The following PRKG1 variants were observed in gnomAD, a reference collection of about 807,000 sequenced individuals.
PRKG1 encodes cGMP-dependent protein kinase 1.
A neutral mutation model predicts 88.1 loss-of-function variants in PRKG1; 35 were observed. The observed-to-expected ratio is 0.40, with a 90% confidence interval of 0.30 to 0.53. PRKG1 has a LOEUF of 0.53. Ranked by LOEUF, PRKG1 falls within the 20% of genes least tolerant of loss-of-function variation. The pLI, the probability that PRKG1 is intolerant of heterozygous loss-of-function variation, is 0.59. For synonymous variants in PRKG1, 303 were observed against 292.5 expected (o/e 1.04, Z -0.37); for missense variants, 540 against 839.8 (o/e 0.64, Z 4.41).
chr10:51,694,842 C>T (rs1307069539), intron 3 of PRKG1, among the ~76,000 whole-genome samples: 1 of 152,100 alleles, frequency 6.6e-6, no homozygotes, highest in Admixed American at 6.6e-5. Context: ...TGAAATAAGG[C>T]TCTATGCTTT....
At position 51,489,237 on chromosome 10, in the gene PRKG1, A is replaced by G. The variant is rs1399624519; in HGVS notation, c.592+21401A>G. ...AGAAAAGAAGAAAATATATGCTATC[A>G]CAGGAACACAGAAGGTGGGAAATGA... On this transcript the variant is annotated intron_variant, in intron 3 of 17. Coordinates refer to ENST00000373980, the MANE Select transcript of PRKG1 (RefSeq NM_006258.4). Among the ~76,000 whole-genome samples the G allele has an allele frequency of 2.6e-5, 4 of 152,294 alleles. No individual in the cohort carries two copies. In the East Asian group the frequency reaches 7.7e-4, roughly 29 times the overall value.
chr10:52,191,732 A>G (rs1839368726), intron 9 of PRKG1, among the ~76,000 whole-genome samples: 1 of 152,222 alleles, frequency 6.6e-6, no homozygotes, highest in South Asian at 2.1e-4. Flanking sequence ...CAGTGAATTA[A>G]GAGATAACAA....
At chr10:51,121,406 G>A (rs1292438485) in intron 1 of PRKG1, among the ~76,000 whole-genome samples, 3 of 152,082 alleles carry the variant, frequency 2.0e-5, no homozygotes, top group Non-Finnish European at 4.4e-5. Context: ...TTTGGCTCAT[G>A]AGTTTTTCTC....
intron 4 of PRKG1, among the ~76,000 whole-genome samples, chr10:51,837,308 T>C (rs1840156748): frequency 6.6e-6 from 1 of 152,176 alleles, no homozygotes; most frequent in Non-Finnish European, 1.5e-5. Context: ...TCAAGTCTTT[T>C]GAATATGGCA....
At chr10:51,211,390 G>C (rs887569114) in intron 2 of PRKG1, among the ~76,000 whole-genome samples, 127 of 152,130 alleles carry the variant, frequency 8.3e-4, no homozygotes, top group Non-Finnish European at 1.5e-3. Context: ...GAAGCATTCC[G>C]TTTGAAAACT....
chr10:51,569,330 G>A (rs1201589428), intron 3 of PRKG1, among the ~76,000 whole-genome samples: 1 of 151,950 alleles, frequency 6.6e-6, no homozygotes. Flanking sequence ...ATATTGATGG[G>A]TTTGATACGG....
chr10:52,157,306 GATATAT>G (rs142784154), intron 8 of PRKG1, among the ~76,000 whole-genome samples: 172 of 125,916 alleles, frequency 1.4e-3, no homozygotes, highest in African/African-American at 3.9e-3. Flanking sequence ...TGAGTTAGTT[GATATAT>G]ATATATATAT....
At chr10:51,221,395 T>C (rs1838525328) in intron 2 of PRKG1, among the ~76,000 whole-genome samples, 1 of 152,084 alleles carries the variant, frequency 6.6e-6, no homozygotes, top group Non-Finnish European at 1.5e-5. Context: ...AATATATATA[T>C]TTAAGATGTG....
At chr10:52,121,235 C>G (rs1046660502) in intron 7 of PRKG1, among the ~76,000 whole-genome samples, 7 of 152,150 alleles carry the variant, frequency 4.6e-5, no homozygotes, top group Admixed American at 2.0e-4. Context: ...AGGTCCTGCT[C>G]TGGGCCTGTG....
At chr10:51,454,968 A>C (rs1839543266) in intron 2 of PRKG1, among the ~76,000 whole-genome samples, 1 of 152,236 alleles carries the variant, frequency 6.6e-6, no homozygotes, top group African/African-American at 2.4e-5. Flanking sequence ...TCATTTCAGC[A>C]TTAACTCAAA....
chr10:51,695,583 A>G (rs1841267793), intron 3 of PRKG1: 1 of 152,202 alleles, frequency 6.6e-6, no homozygotes, highest in Admixed American at 6.5e-5. Context: ...CTTCAGTGAA[A>G]GCTTTGAGAT....
chr10:51,092,222 C>T (rs1844415916), intron 1 of PRKG1, among the ~76,000 whole-genome samples: 2 of 152,084 alleles, frequency 1.3e-5, no homozygotes, highest in South Asian at 4.2e-4. Flanking sequence ...AATGGACAAG[C>T]ATACATGAGA....
chr10:51,077,708 G>A (rs141409189), intron 1 of PRKG1, among the ~76,000 whole-genome samples: 85 of 152,246 alleles, frequency 5.6e-4, no homozygotes, highest in African/African-American at 1.9e-3. Flanking sequence ...ATAACTATGA[G>A]GTAGGAGGAG....
At chr10:51,033,418 G>A (rs1843312676) in intron 1 of PRKG1, among the ~76,000 whole-genome samples, 1 of 152,128 alleles carries the variant, frequency 6.6e-6, no homozygotes. Context: ...CTAGTAAGTC[G>A]TAAGTGATGG....
intron 3 of PRKG1, among the ~76,000 whole-genome samples, chr10:51,653,004 T>G (rs1367979605): frequency 6.6e-6 from 1 of 152,250 alleles, no homozygotes; most frequent in Non-Finnish European, 1.5e-5. Flanking sequence ...CTTAGTATAA[T>G]GTTCTCCAGG....
At chr10:51,379,556 C>T (rs1027272320) in intron 2 of PRKG1, among the ~76,000 whole-genome samples, 22 of 152,284 alleles carry the variant, frequency 1.4e-4, no homozygotes, top group African/African-American at 5.3e-4. Context: ...AATTCCATTG[C>T]ATCTGTAGAG....
intron 2 of PRKG1, among the ~76,000 whole-genome samples, chr10:51,348,698 G>A (rs1335614693): frequency 1.3e-5 from 2 of 152,100 alleles, no homozygotes; most frequent in African/African-American, 2.4e-5. Flanking sequence ...CTCGACCTTG[G>A]TCTCATTTCT....
chr10:51,830,064 G>A (rs947967606), intron 4 of PRKG1, among the ~76,000 whole-genome samples: 6 of 152,026 alleles, frequency 3.9e-5, no homozygotes, highest in South Asian at 2.1e-4. Flanking sequence ...TGACCACTTC[G>A]GGAAAGGGTG....
intron 3 of PRKG1, among the ~76,000 whole-genome samples, chr10:51,509,276 C>A (rs1227665211): frequency 6.6e-6 from 1 of 152,178 alleles, no homozygotes; most frequent in Non-Finnish European, 1.5e-5. Context: ...TTTAGAAATA[C>A]ACTTCAGCTG....
Sources: allele counts gnomAD v4.1 joint callset (sites outside exome capture counted in the v4.1 genomes callset), GRCh38; gene constraint gnomAD v4.1.1; transcripts MANE v1.5; gene names NCBI Gene and HGNC (gene_info 2026-07-23, HGNC 2026-07-21).